The following SORCS1 variants were observed in gnomAD, a reference collection of about 807,000 sequenced individuals.
SORCS1 encodes sortilin related VPS10 domain containing receptor 1.
A neutral mutation model predicts 146.1 loss-of-function variants in SORCS1; 60 were observed. The observed-to-expected ratio is 0.41, with a 90% confidence interval of 0.33 to 0.51. The LOEUF (loss-of-function observed/expected upper bound fraction) is 0.51, where lower values mean the gene tolerates loss of function less well. Among genes scored for constraint, SORCS1 ranks in the 20% least tolerant of loss-of-function variants. The pLI is 0.21. For missense variants in SORCS1, 1,352 were observed against 1,487.6 expected (o/e 0.91, Z 1.50); for synonymous variants, 637 against 584.0 (o/e 1.09, Z -1.31).
chr10:106,798,822 C>G (rs12218985), intron 3 of SORCS1, among the ~76,000 whole-genome samples: 1 of 151,892 alleles, frequency 6.6e-6, no homozygotes, highest in East Asian at 1.9e-4. Flanking sequence ...ATGGCTGGGT[C>G]AAATGCCATC....
In SORCS1 at chr10:106,577,468, C is replaced by T. The variant is rs763800802; in HGVS notation, c.3459G>A (p.Pro1153=). 23 of 1,409,988 alleles carry T rather than the reference C, an allele frequency of 1.6e-5. No individual in the cohort carries two copies. The Admixed American group carries it at 1.7e-4, about 10-fold the overall frequency. The allele number at this position is 1,409,988 out of a possible 1,614,324, so 87.3% of individuals were successfully genotyped here. ...CAGATCCCCGCTTTGGCGTTGAAGGCGGAGTGGCGTGTCTTGCTCTTTGCA... is the reference window on the plus strand; with the variant it reads ...CAGATCCCCGCTTTGGCGTTGAAGGTGGAGTGGCGTGTCTTGCTCTTTGCA... The part of the protein sequence containing the change: ...LRLQRARHAT[P]PSTPKRGSAG... Residue 1153 remains proline, a synonymous_variant, in exon 26 of 26, where the codon CCG becomes CCA. Transcript: ENST00000263054.
At chr10:107,011,075 G>A (rs1371687602) in intron 1 of SORCS1, among the ~76,000 whole-genome samples, 1 of 152,182 alleles carries the variant, frequency 6.6e-6, no homozygotes, top group Non-Finnish European at 1.5e-5. Flanking sequence ...AACCTCAGAA[G>A]GAAAGAAAAT....
Position 107,002,934 on chromosome 10 carries a change from G to C in SORCS1, c.559-46354C>G, listed in dbSNP as rs147500717. On this transcript the variant is annotated intron_variant, in intron 1 of 25. Transcript: ENST00000263054. ...GTCTTACAGAAATCAGCTTTGGTTT[G>C]TATCACTGGGCCCACTCATTACTAT... Among the ~76,000 whole-genome samples the C allele has an allele frequency of 4.5e-4, 69 of 152,286 alleles. 1 individual carries two copies. The South Asian group carries it at 8.7e-3, about 19-fold the overall frequency.
intron 2 of SORCS1, among the ~76,000 whole-genome samples, chr10:106,899,381 T>C (rs1193219302): frequency 6.6e-6 from 1 of 152,164 alleles, no homozygotes; most frequent in Non-Finnish European, 1.5e-5. Flanking sequence ...GAAAGATAAA[T>C]AAGCAACATC....
intron 5 of SORCS1, among the ~76,000 whole-genome samples, chr10:106,760,694 AACACACACACACACTAACACACAC>A (rs1178998957): frequency 7.4e-6 from 1 of 134,608 alleles, no homozygotes; most frequent in Non-Finnish European, 1.6e-5. Flanking sequence ...CATACACACA[AACACACACACACACTAACACACAC>A]ACACACACAC....
At chr10:107,035,272 AAAACAAC>A (rs1391818764) in intron 1 of SORCS1, among the ~76,000 whole-genome samples, 45 of 143,620 alleles carry the variant, frequency 3.1e-4, no homozygotes, top group African/African-American at 1.1e-3. Context: ...CAAAAAAAAA[AAAACAAC>A]AAAAAAAAAA....
chr10:106,703,249 T>G (rs898855651), intron 8 of SORCS1, among the ~76,000 whole-genome samples: 2 of 151,820 alleles, frequency 1.3e-5, no homozygotes, highest in Non-Finnish European at 2.9e-5. Flanking sequence ...TAGTGACAGA[T>G]CTGGGTCCCT....
At chr10:106,937,987 A>G (rs546958937) in intron 2 of SORCS1, among the ~76,000 whole-genome samples, 4,052 of 151,234 alleles carry the variant, frequency 0.027, 137 homozygotes, top group African/African-American at 0.077. Flanking sequence ...AAAAAAAAAA[A>G]AAAGAAAGAA....
intron 1 of SORCS1, among the ~76,000 whole-genome samples, chr10:107,079,982 A>G (rs1963202658): frequency 6.6e-6 from 1 of 152,222 alleles, no homozygotes; most frequent in African/African-American, 2.4e-5. Flanking sequence ...TTGTAACATA[A>G]TTATGCTCAT....
intron 1 of SORCS1, among the ~76,000 whole-genome samples, chr10:107,161,766 C>A (rs958864306): frequency 6.6e-6 from 1 of 152,090 alleles, no homozygotes; most frequent in Admixed American, 6.6e-5. Flanking sequence ...GGTCCAGATA[C>A]GTAGGACTGG....
rs1169803886 is a variant in SORCS1, at chr10:106,999,863, ATTC to A, written c.559-43286_559-43284del. On this transcript the variant is annotated intron_variant, in intron 1 of 25. Transcript: ENST00000263054. Reference sequence around the variant, plus strand: ...TATTATCTTAATAACTGATACCAGAATTCTTCTTAAGAGTAACATTGGATTTGG... The same window carrying A: ...TATTATCTTAATAACTGATACCAGAATTCTTAAGAGTAACATTGGATTTGG... Among the ~76,000 whole-genome samples the A allele has an allele frequency of 8.5e-5, 13 of 152,326 alleles. No homozygotes were observed. In the East Asian group the frequency reaches 1.7e-3, roughly 20 times the overall value.
chr10:106,863,392 G>A (rs1221213228), intron 2 of SORCS1, among the ~76,000 whole-genome samples: 2 of 151,874 alleles, frequency 1.3e-5, no homozygotes, highest in East Asian at 1.9e-4. Context: ...GGGTGTGGTG[G>A]TAGACACCTG....
chr10:106,952,795 G>A (rs985883757), intron 2 of SORCS1, among the ~76,000 whole-genome samples: 3 of 151,202 alleles, frequency 2.0e-5, no homozygotes, highest in Non-Finnish European at 4.4e-5. Context: ...GAGTAACAAA[G>A]TGGGACCCTG....
intron 21 of SORCS1, among the ~76,000 whole-genome samples, chr10:106,616,976 T>C (rs928728954): frequency 1.3e-5 from 2 of 151,416 alleles, no homozygotes; most frequent in Non-Finnish European, 2.9e-5. Flanking sequence ...TCTTTCGAGA[T>C]GGAGTTTCTC....
At chr10:106,844,182 A>G (rs1170759980) in intron 2 of SORCS1, among the ~76,000 whole-genome samples, 1 of 152,194 alleles carries the variant, frequency 6.6e-6, no homozygotes, top group Non-Finnish European at 1.5e-5. Flanking sequence ...TTTATATGCC[A>G]TCTTTGGAAA....
At chr10:106,715,961 C>G (rs1001434727) in intron 6 of SORCS1, among the ~76,000 whole-genome samples, 5 of 152,078 alleles carry the variant, frequency 3.3e-5, no homozygotes, top group African/African-American at 1.2e-4. Context: ...CCATGTCGGT[C>G]AGGCTGGTCT....
At chr10:107,159,844 G>GA (rs112408335) in intron 1 of SORCS1, among the ~76,000 whole-genome samples, 193 of 142,710 alleles carry the variant, frequency 1.4e-3, no homozygotes, top group Admixed American at 2.2e-3. Context: ...CCTCCCCACC[G>GA]AAAAAAAAAA....
intron 4 of SORCS1, among the ~76,000 whole-genome samples, chr10:106,767,341 C>T (rs1859647627): frequency 6.6e-6 from 1 of 152,090 alleles, no homozygotes; most frequent in African/African-American, 2.4e-5. Context: ...GAAGATTAGA[C>T]TTACGGAACT....
intron 1 of SORCS1, among the ~76,000 whole-genome samples, chr10:106,989,675 TTTTTG>T (rs1215418764): frequency 2.8e-4 from 23 of 83,340 alleles, no homozygotes; most frequent in African/African-American, 8.5e-4. Flanking sequence ...TTTCTGTTTT[TTTTTG>T]TTTTTTTTTT....
Sources: allele counts gnomAD v4.1 joint callset (sites outside exome capture counted in the v4.1 genomes callset), GRCh38; gene constraint gnomAD v4.1.1; transcripts MANE v1.5; gene names NCBI Gene and HGNC (gene_info 2026-07-23, HGNC 2026-07-21).